RIMS2: variants seen among roughly 807,000 people sequenced by gnomAD.
RIMS2 encodes the protein regulating synaptic membrane exocytosis 2.
Under a neutral mutation model 174.4 loss-of-function variants are expected in RIMS2, and 59 were observed. The observed-to-expected ratio is 0.34, with a 90% CI of 0.27 to 0.42. The LOEUF is 0.42. RIMS2 is among the 10% of genes least tolerant of loss of function. The probability of loss-of-function intolerance (pLI) is 1.00; values close to 1 mark genes in which losing one functional copy is unlikely to be tolerated. For missense variants in RIMS2, 1,620 were observed against 1,666.3 expected (o/e 0.97, Z 0.48); for synonymous variants, 606 against 572.5 (o/e 1.06, Z -0.84).
intron 17 of RIMS2, among the ~76,000 whole-genome samples, chr8:104,010,011 T>C (rs77944587): frequency 1.3e-5 from 2 of 151,082 alleles, no homozygotes; most frequent in African/African-American, 2.4e-5. Flanking sequence ...GATGGATGGA[T>C]GGACGGACGG....
At chr8:104,143,674 A>G (rs2098604527) in intron 19 of RIMS2, among the ~76,000 whole-genome samples, 2 of 152,084 alleles carry the variant, frequency 1.3e-5, no homozygotes, top group African/African-American at 4.8e-5. Flanking sequence ...CCTTATCACC[A>G]CTTTCTTGCC....
At position 104,170,782 on chromosome 8, in the gene RIMS2, T is replaced by G. The variant is rs774358444; in HGVS notation, c.3335-74134T>G. ...GATTTATGATTTAAGGAAGTTCTCTTTTGGTGTATGCTGAGGTTTTGTTTC... is the reference window on the plus strand; with the variant it reads ...GATTTATGATTTAAGGAAGTTCTCTGTTGGTGTATGCTGAGGTTTTGTTTC... On this transcript the variant is annotated intron_variant, in intron 19 of 23. Coordinates refer to ENST00000504942, the Ensembl canonical transcript of RIMS2. 2.4e-4 allele frequency among the ~76,000 whole-genome samples: 36 copies of G among 152,106 alleles called. 1 individual carries two copies. Among genetic ancestry groups the G allele is most frequent in the Non-Finnish European group, 4.4e-4 (30 of 67,954 alleles).
At chr8:103,693,282 T>C (rs1316814990) in intron 1 of RIMS2, among the ~76,000 whole-genome samples, 1 of 152,198 alleles carries the variant, frequency 6.6e-6, no homozygotes, top group African/African-American at 2.4e-5. Flanking sequence ...GCATCGAGAA[T>C]TTAAGACTGT....
intron 5 of RIMS2, chr8:103,910,358 G>A: frequency 2.5e-6 from 4 of 1,598,422 alleles, no homozygotes; most frequent in Non-Finnish European, 3.4e-6. Context: ...CTAGTGAGCA[G>A]GCAGTTTTGT....
chr8:104,138,384 T>C (rs938394050), intron 19 of RIMS2, among the ~76,000 whole-genome samples: 6 of 152,194 alleles, frequency 3.9e-5, no homozygotes, highest in African/African-American at 1.4e-4. Context: ...CTAATTTACA[T>C]TCCCACCAAC....
In RIMS2 at chr8:103,582,075, G is replaced by A. The variant is rs1433887315; in HGVS notation, c.176+81013G>A. 2.6e-5 allele frequency among the ~76,000 whole-genome samples: 4 copies of A among 152,160 alleles called. No individual in the cohort carries two copies. In the East Asian group the frequency reaches 7.7e-4, roughly 29 times the overall value. On this transcript the variant is annotated intron_variant, in intron 1 of 23. Coordinates refer to ENST00000504942, the Ensembl canonical transcript of RIMS2. Reference sequence around the variant, plus strand: ...GGAAGAGTGGGGAGGACTTTGTCTTGCATTTAGAATACCAGCTCAGCCACA... The same window carrying A: ...GGAAGAGTGGGGAGGACTTTGTCTTACATTTAGAATACCAGCTCAGCCACA...
chr8:103,889,697 G>A (rs2099230835), intron 4 of RIMS2, among the ~76,000 whole-genome samples: 1 of 151,320 alleles, frequency 6.6e-6, no homozygotes. Context: ...TCTATCTTTA[G>A]CCTTATTGGT....
At chr8:103,874,256 T>C (rs1454592402) in intron 3 of RIMS2, among the ~76,000 whole-genome samples, 18 of 152,044 alleles carry the variant, frequency 1.2e-4, no homozygotes, top group Admixed American at 1.2e-3. Flanking sequence ...GCACTGTGAT[T>C]GGACAAGCTT....
At chr8:103,932,257 T>A (rs1430773445) in intron 12 of RIMS2, among the ~76,000 whole-genome samples, 1 of 152,196 alleles carries the variant, frequency 6.6e-6, no homozygotes, top group Non-Finnish European at 1.5e-5. Flanking sequence ...GCTTTTGGAA[T>A]CTCATTGATT....
chr8:103,633,899 G>A (rs1286491419), intron 1 of RIMS2, among the ~76,000 whole-genome samples: 4 of 152,078 alleles, frequency 2.6e-5, no homozygotes, highest in East Asian at 1.9e-4. Context: ...ATTTCTAATT[G>A]TTTTTATTTG....
intron 14 of RIMS2, among the ~76,000 whole-genome samples, chr8:103,954,040 A>G (rs2086312014): frequency 1.3e-5 from 2 of 152,226 alleles, no homozygotes; most frequent in South Asian, 4.1e-4. Flanking sequence ...GTTCAATGCA[A>G]CAAGAAGAGC....
intron 3 of RIMS2, among the ~76,000 whole-genome samples, chr8:103,834,677 T>TTTCTTTCTTTCCTTCC (rs1468538450): frequency 2.2e-3 from 12 of 5,498 alleles, no homozygotes; most frequent in African/African-American, 8.2e-3. Flanking sequence ...CTGAGGTCTT[T>TTTCTTTCTTTCCTTCC]TTCTTTCTTT....
chr8:104,256,076 T>C (rs2099366972), downstream of RIMS2: 1 of 152,242 alleles, frequency 6.6e-6, no homozygotes, highest in Admixed American at 6.5e-5. Context: ...AGCTGCTCAA[T>C]AAACATCTGT....
chr8:103,793,013 A>G (rs2098515020), intron 3 of RIMS2, among the ~76,000 whole-genome samples: 1 of 152,148 alleles, frequency 6.6e-6, no homozygotes, highest in Admixed American at 6.5e-5. Context: ...ACAAAGATGA[A>G]CTGGTACCAT....
intron 19 of RIMS2, among the ~76,000 whole-genome samples, chr8:104,163,111 C>T (rs1002208645): frequency 6.6e-6 from 1 of 152,084 alleles, no homozygotes; most frequent in Non-Finnish European, 1.5e-5. Context: ...GGCTCATTGT[C>T]CCCTTGGGCT....
intron 9 of RIMS2, among the ~76,000 whole-genome samples, chr8:103,920,003 G>A (rs2077299569): frequency 6.6e-6 from 1 of 152,058 alleles, no homozygotes; most frequent in Non-Finnish European, 1.5e-5. Context: ...CTATGGGGTA[G>A]GTTAAAATTT....
intron 1 of RIMS2, among the ~76,000 whole-genome samples, chr8:103,661,488 T>C (rs1475599413): frequency 6.6e-6 from 1 of 152,130 alleles, no homozygotes; most frequent in Non-Finnish European, 1.5e-5. Flanking sequence ...AGTTATTTGG[T>C]AATACTATAA....
chr8:103,711,185 A>G (rs934968974), intron 2 of RIMS2, among the ~76,000 whole-genome samples: 1 of 152,214 alleles, frequency 6.6e-6, no homozygotes, highest in Non-Finnish European at 1.5e-5. Flanking sequence ...AGCCTTACCT[A>G]TTCTGAATCT....
chr8:103,995,755 T>C (rs2095052156), intron 17 of RIMS2, among the ~76,000 whole-genome samples: 1 of 151,954 alleles, frequency 6.6e-6, no homozygotes, highest in Non-Finnish European at 1.5e-5. Flanking sequence ...GTAGACAAGA[T>C]GAAGATTGTA....
Sources: allele counts gnomAD v4.1 joint callset (sites outside exome capture counted in the v4.1 genomes callset), GRCh38; gene constraint gnomAD v4.1.1; transcripts MANE v1.5; gene names NCBI Gene and HGNC (gene_info 2026-07-23, HGNC 2026-07-21).